Variants in ZFP90 observed in about 807,000 individuals in gnomAD.
ZFP90 encodes ZFP90 zinc finger protein, also known as zinc finger protein 90 homolog.
Under a neutral mutation model 60.8 loss-of-function variants are expected in ZFP90, and 38 were observed. That is an observed-to-expected ratio of 0.62 (90% CI 0.48 to 0.82). ZFP90 has a LOEUF of 0.82. Among genes scored for constraint, ZFP90 ranks in the 40% least tolerant of loss-of-function variants. The probability of loss-of-function intolerance (pLI) is 0.00; values close to 1 mark genes in which losing one functional copy is unlikely to be tolerated. For synonymous variants in ZFP90, 287 were observed against 264.8 expected (o/e 1.08, Z -0.82); for missense variants, 711 against 759.1 (o/e 0.94, Z 0.74).
At chr16:68,537,346 G>A (rs988307435), upstream of ZFP90, among the ~76,000 whole-genome samples, 7 of 151,862 alleles carry the variant, frequency 4.6e-5, no homozygotes, top group African/African-American at 1.5e-4. Flanking sequence ...GGCTGGTCTC[G>A]AACTCCTGAC....
At chr16:68,555,794 A>G (rs190161999) in intron 2 of ZFP90, among the ~76,000 whole-genome samples, 1 of 152,168 alleles carries the variant, frequency 6.6e-6, no homozygotes, top group African/African-American at 2.4e-5. Flanking sequence ...ATGAAATGGA[A>G]TTAGCTAAGG....
At position 68,558,528 on chromosome 16, in the gene ZFP90, A is replaced by G. The variant is rs1597740264; in HGVS notation, c.216A>G (p.Pro72=). The change falls in exon 4 of 5, where the codon CCA becomes CCG. Residue 72 remains proline (P), a synonymous_variant. Coordinates refer to ENST00000563169, the MANE Select transcript of ZFP90 (RefSeq NM_001305203.2). ...VIFKLEQGEE[P]WISEGEIQRP... is the part of the protein sequence containing the mutation. The stretch of plus-strand genomic sequence containing the variant: ...TCAAATTGGAGCAAGGAGAAGAGCC[A>G]TGGATATCAGAGGGAGAAATCCAAC... 1.2e-6 allele frequency: 2 copies of G among 1,614,072 alleles called. No homozygotes were observed. The highest frequency in any genetic ancestry group is 8.5e-7 in the Non-Finnish European group (1 of 1,179,996).
In ZFP90 at chr16:68,563,053, C is replaced by G; in HGVS notation, c.266C>G (p.Thr89Ser). The G allele has an allele frequency of 6.2e-7, 1 of 1,614,042 alleles. No homozygotes were observed. Among genetic ancestry groups the G allele is most frequent in the South Asian group, 1.1e-5 (1 of 91,070 alleles). ...TTTGGATTTCTTTCAGACTGGAAGA[C>G]CAGGCCTGAAGTCAAATCATCACAT... ...IQRPFYPDWK[T>S]RPEVKSSHLQ... The change falls in exon 5 of 5, where the codon ACC becomes AGC. Residue 89 changes from threonine (T) to serine (S), a missense_variant. Physicochemically the swap from Thr to Ser is moderately conservative, Grantham distance 58. This residue lies in a region of ZFP90 where 241 missense variants were observed against 247.6 expected (regional missense o/e 0.97). Coordinates refer to ENST00000563169, the MANE Select transcript of ZFP90 (RefSeq NM_001305203.2).
intron 2 of ZFP90, among the ~76,000 whole-genome samples, chr16:68,541,441 C>CA (rs920373854): frequency 2.0e-5 from 3 of 151,870 alleles, no homozygotes; most frequent in Admixed American, 1.3e-4. Context: ...GTTGGGATTA[C>CA]AGGTGTGAGC....
chr16:68,559,334 A>G (rs2091397998), intron 4 of ZFP90, among the ~76,000 whole-genome samples: 1 of 151,998 alleles, frequency 6.6e-6, no homozygotes, highest in Non-Finnish European at 1.5e-5. Flanking sequence ...TAAAATCTAA[A>G]TCCGTCACCT....
At position 68,540,911 on chromosome 16, in the gene ZFP90, C is replaced by CTTT. The variant is rs34827177; in HGVS notation, c.33+1102_33+1104dup. On this transcript the variant is annotated intron_variant, in intron 2 of 4. Coordinates refer to ENST00000563169, the MANE Select transcript of ZFP90 (RefSeq NM_001305203.2). Reference sequence around the variant, plus strand: ...GAATTAAGCATACAATACATCATGCCTTTTTTTTTTTTTTTTTTGAAACAG... The same window carrying CTTT: ...GAATTAAGCATACAATACATCATGCCTTTTTTTTTTTTTTTTTTTTTGAAACAG... 2.3e-3 allele frequency among the ~76,000 whole-genome samples: 295 copies of CTTT among 125,718 alleles called. 3 individuals carry two copies. Among genetic ancestry groups the CTTT allele is most frequent in the South Asian group, 7.8e-3 (31 of 3,958 alleles). 82.5% of individuals were successfully genotyped at this position (125,718 alleles called of 152,430 possible).
At position 68,539,771 on chromosome 16, in the gene ZFP90, G is replaced by A. The variant is rs1198999028; in HGVS notation, c.-22G>A. 21 of 1,581,056 alleles carry A rather than the reference G, an allele frequency of 1.3e-5. No individual in the cohort carries two copies. Among genetic ancestry groups the A allele is most frequent in the Non-Finnish European group, 1.7e-5 (20 of 1,164,356 alleles). ...CTTTCTCCCCAGCTCCTGCCCCGGAGCCGGGCCCTGGCGAGGCAGGAATGG... is the reference window on the plus strand; with the variant it reads ...CTTTCTCCCCAGCTCCTGCCCCGGAACCGGGCCCTGGCGAGGCAGGAATGG... On this transcript the variant is annotated 5_prime_UTR_variant, in exon 2 of 5. Coordinates refer to ENST00000563169, the MANE Select transcript of ZFP90 (RefSeq NM_001305203.2).
intron 2 of ZFP90, among the ~76,000 whole-genome samples, chr16:68,549,563 TAG>T (rs942600404): frequency 4.0e-5 from 6 of 150,962 alleles, no homozygotes; most frequent in African/African-American, 7.3e-5. Context: ...CCTGTACTCC[TAG>T]CTACTCGGGA....
chr16:68,566,615 G>A lies in ZFP90; in HGVS notation c.*1917G>A. The A allele has an allele frequency of 1.0e-6, 1 of 985,548 alleles. No homozygotes were observed. The highest frequency in any genetic ancestry group is 1.2e-6 in the Non-Finnish European group (1 of 829,936). The allele number at this position is 985,548 out of a possible 1,614,324, so 61.1% of individuals were successfully genotyped here. On this transcript the variant is annotated 3_prime_UTR_variant, in exon 5 of 5. Coordinates refer to ENST00000563169, the MANE Select transcript of ZFP90 (RefSeq NM_001305203.2). Reference sequence around the variant, plus strand: ...GGCAGATCTGCCCTTCTGAGATGCTGACCATCCAAAACACCTTGTTTATGG... The same window carrying A: ...GGCAGATCTGCCCTTCTGAGATGCTAACCATCCAAAACACCTTGTTTATGG...
chr16:68,554,454 T>C (rs911655164), intron 2 of ZFP90, among the ~76,000 whole-genome samples: 18 of 152,158 alleles, frequency 1.2e-4, no homozygotes, highest in African/African-American at 4.3e-4. Flanking sequence ...AGTGAAGTGT[T>C]TGTGAACATG....
intron 2 of ZFP90, chr16:68,557,128 T>G (rs772748607): frequency 6.7e-6 from 3 of 450,702 alleles, no homozygotes; most frequent in South Asian, 4.7e-5. Flanking sequence ...GCTGGGACTG[T>G]AGGCACACAC....
downstream of ZFP90, among the ~76,000 whole-genome samples, chr16:68,567,328 G>A (rs2091542838): frequency 6.6e-6 from 1 of 152,192 alleles, no homozygotes; most frequent in African/African-American, 2.4e-5. Flanking sequence ...CTTCTGGTTA[G>A]CGGTGTGGTG....
chr16:68,572,314 G>C (rs531471647), intron 2 of ZFP90, among the ~76,000 whole-genome samples: 14 of 152,164 alleles, frequency 9.2e-5, no homozygotes, highest in Admixed American at 9.2e-4. Context: ...TATTATTGTA[G>C]TAATTAATGG....
chr16:68,558,557 C>A lies in ZFP90; in HGVS notation c.245C>A (p.Pro82His), dbSNP rs1318794623. 9 of 1,613,686 alleles carry A rather than the reference C, an allele frequency of 5.6e-6. No homozygotes were observed. The highest frequency in any genetic ancestry group is 6.8e-6 in the Non-Finnish European group (8 of 1,179,754). ...ATATCAGAGGGAGAAATCCAACGAC[C>A]TTTCTATCCAGGTAAATGAGTGAGA... The part of the protein sequence containing the change: ...PWISEGEIQR[P>H]FYPDWKTRPE... Residue 82 changes from proline to histidine, a missense_variant, in exon 4 of 5, where the codon CCT becomes CAT. Pro to His is a moderately conservative substitution (Grantham distance 77, BLOSUM62 -2). Transcript: ENST00000563169.
intron 2 of ZFP90, among the ~76,000 whole-genome samples, chr16:68,551,962 G>A (rs1227502881): frequency 2.0e-5 from 3 of 150,462 alleles, no homozygotes; most frequent in East Asian, 2.0e-4. Context: ...GAGTTTCACC[G>A]TGTTAGCCAG....
chr16:68,539,349 C>T lies in ZFP90; in HGVS notation c.-166C>T, dbSNP rs1404986563. 8 of 192,770 alleles carry T rather than the reference C, an allele frequency of 4.2e-5. No individual in the cohort carries two copies. The highest frequency in any genetic ancestry group is 1.2e-4 in the East Asian group (1 of 8,018). The allele number at this position is 192,770 out of a possible 1,614,324, so 11.9% of individuals were successfully genotyped here. A position where few individuals can be genotyped will look rare whatever the true frequency, so the allele number is the denominator to read the frequency against. On this transcript the variant is annotated 5_prime_UTR_variant, in exon 1 of 5. Transcript: ENST00000563169. ...TCCGACCCCGGTGCGGCTGAGGCCC[C>T]TTTGGGCAGCCCCTCCGCAGATCAG...
At position 68,563,304 on chromosome 16, in the gene ZFP90, C is replaced by G. The variant is rs1342649954; in HGVS notation, c.517C>G (p.Gln173Glu). Residue 173 changes from glutamine (Q) to glutamate (E), a missense_variant, in exon 5 of 5, where the codon CAA becomes GAA. Gln to Glu is a conservative substitution (Grantham distance 29). Around this residue, in one of 5 missense-constraint regions of ZFP90, gnomAD observed 241 missense variants for 247.6 expected, o/e 0.97. Coordinates refer to ENST00000563169, the MANE Select transcript of ZFP90 (RefSeq NM_001305203.2). ...NSRLNTNLVTQLNIPARIRPS... is the reference protein window; with the variant it reads ...NSRLNTNLVTELNIPARIRPS... ...TAGATTGAACACCAATTTGGTTACA[C>G]AACTGAACATTCCTGCAAGAATAAG... The G allele has an allele frequency of 6.2e-7, 1 of 1,614,118 alleles. No individual in the cohort carries two copies. The highest frequency in any genetic ancestry group is 8.5e-7 in the Non-Finnish European group (1 of 1,180,018).
At position 68,566,788 on chromosome 16, in the gene ZFP90, A is replaced by G. The variant is rs1597757092; in HGVS notation, c.*2090A>G. 1.0e-6 allele frequency: 1 copy of G among 985,516 alleles called. No individual in the cohort carries two copies. The highest frequency in any genetic ancestry group is 1.2e-6 in the Non-Finnish European group (1 of 829,930). The allele number at this position is 985,516 out of a possible 1,614,324, so 61.0% of individuals were successfully genotyped here. Reference sequence around the variant, plus strand: ...TCATTATGCTACTGGTTGTTTGGGGATCCCCATAGTGGACTACTTTCAGGA... The same window carrying G: ...TCATTATGCTACTGGTTGTTTGGGGGTCCCCATAGTGGACTACTTTCAGGA... On this transcript the variant is annotated 3_prime_UTR_variant, in exon 5 of 5. Coordinates refer to ENST00000563169, the MANE Select transcript of ZFP90 (RefSeq NM_001305203.2).
At chr16:68,547,922 G>A (rs561260644) in intron 2 of ZFP90, among the ~76,000 whole-genome samples, 1 of 151,140 alleles carries the variant, frequency 6.6e-6, no homozygotes, top group Non-Finnish European at 1.5e-5. Context: ...CTGCCTCCTG[G>A]GTTCAAGCGA....
Sources: allele counts gnomAD v4.1 joint callset (sites outside exome capture counted in the v4.1 genomes callset), GRCh38; gene constraint gnomAD v4.1.1; regional missense constraint gnomAD v4.1.1; transcripts MANE v1.5; gene names NCBI Gene and HGNC (gene_info 2026-07-23, HGNC 2026-07-21).